Variants in GYS2 observed in about 807,000 individuals in gnomAD.
GYS2 encodes the protein glycogen [starch] synthase, liver.
A neutral mutation model predicts 85.6 loss-of-function variants in GYS2; 80 were observed. The observed-to-expected ratio is 0.93, with a 90% CI of 0.78 to 1.13. The LOEUF is 1.13. Ranked by LOEUF, GYS2 falls within the 50% of genes most tolerant of loss-of-function variation. The probability of loss-of-function intolerance (pLI) is 0.00; values close to 1 mark genes in which losing one functional copy is unlikely to be tolerated. For missense variants in GYS2, 881 were observed against 854.9 expected, an observed-to-expected ratio of 1.03 and a Z score of -0.38; for synonymous variants, 328 against 300.7, an observed-to-expected ratio of 1.09 and a Z score of -0.94.
chr12:21,575,763 CAT>C (rs1944437697), intron 3 of GYS2, 101 bp downstream of exon 3: 3 of 874,994 alleles, frequency 3.4e-6, no homozygotes, highest in Non-Finnish European at 3.9e-6. Flanking sequence ...GCCATAATGG[CAT>C]CATCTCAAAA....
At chr12:21,602,893 C>A (rs553608930) in intron 1 of GYS2, among the ~76,000 whole-genome samples, 2 of 152,168 alleles carry the variant, frequency 1.3e-5, no homozygotes, top group South Asian at 4.1e-4. Context: ...TGCTCAGGTG[C>A]AGGAACTTGT....
At chr12:21,553,821 T>C (rs375489469) in intron 11 of GYS2, among the ~76,000 whole-genome samples, 1 of 114,918 alleles carries the variant, frequency 8.7e-6, no homozygotes, top group Admixed American at 8.7e-5. Context: ...ACACATAAAA[T>C]AGGCTTCTTT....
rs1943908096 is a variant in GYS2, at chr12:21,536,147, C to G, written c.*807G>C. ...AATGTGTTTATTTACTTGGATTTAACAACTTATCATCTATGAAGAAACAAG... is the reference window on the plus strand; with the variant it reads ...AATGTGTTTATTTACTTGGATTTAAGAACTTATCATCTATGAAGAAACAAG... On this transcript the variant is annotated 3_prime_UTR_variant, in exon 16 of 16. Coordinates refer to ENST00000261195, the MANE Select transcript of GYS2 (RefSeq NM_021957.4). The G allele has an allele frequency of 6.6e-6, 1 of 152,136 alleles. No homozygotes were observed. The highest frequency in any genetic ancestry group is 1.5e-5 in the Non-Finnish European group (1 of 68,024). 9.4% of individuals were successfully genotyped at this position (152,136 alleles called of 1,614,324 possible).
At chr12:21,601,981 G>A (rs1226534956) in intron 1 of GYS2, among the ~76,000 whole-genome samples, 1 of 152,044 alleles carries the variant, frequency 6.6e-6, no homozygotes, top group Non-Finnish European at 1.5e-5. Flanking sequence ...TGTTTTTCAC[G>A]TTTCCATTGT....
chr12:21,561,717 T>C (rs1298452727), intron 7 of GYS2, among the ~76,000 whole-genome samples: 1 of 152,196 alleles, frequency 6.6e-6, no homozygotes, highest in African/African-American at 2.4e-5. Flanking sequence ...GCTTGTTGAA[T>C]GAATATATAC....
intron 12 of GYS2, among the ~76,000 whole-genome samples, chr12:21,545,432 A>T (rs1365236067): frequency 6.6e-6 from 1 of 152,232 alleles, no homozygotes; most frequent in African/African-American, 2.4e-5. Flanking sequence ...ACAGAGTGAG[A>T]CTCCGTCTCA....
downstream of GYS2, chr12:21,534,932 T>C (rs1327365293): frequency 2.0e-5 from 3 of 152,360 alleles, no homozygotes; most frequent in Middle Eastern, 3.4e-3. Flanking sequence ...GGCACTGTAC[T>C]AGACACAGAG....
chr12:21,597,741 T>C (rs1401353364), intron 1 of GYS2, among the ~76,000 whole-genome samples: 5 of 152,096 alleles, frequency 3.3e-5, no homozygotes, highest in Non-Finnish European at 7.4e-5. Context: ...AAACAGATAC[T>C]GGTACCACAC....
chr12:21,586,510 C>G (rs1015274198), intron 1 of GYS2, among the ~76,000 whole-genome samples: 8 of 152,062 alleles, frequency 5.3e-5, no homozygotes, highest in African/African-American at 1.9e-4. Context: ...ATACAGTGAG[C>G]TCAGGTCCTG....
chr12:21,540,647 A>G, intron 13 of GYS2, 74 bp from the exon 14 acceptor site: 1 of 1,325,850 alleles, frequency 7.5e-7, no homozygotes, highest in Non-Finnish European at 1.1e-6. Context: ...GTGATTTACT[A>G]ACTCTTTGGT....
intron 15 of GYS2, among the ~76,000 whole-genome samples, chr12:21,537,962 T>C (rs778611615): frequency 5.9e-5 from 9 of 152,334 alleles, no homozygotes; most frequent in Non-Finnish European, 1.2e-4. Flanking sequence ...TATCATGTCA[T>C]ACATGTACAG....
At chr12:21,545,361 G>A (rs1205844377) in intron 12 of GYS2, among the ~76,000 whole-genome samples, 2 of 152,204 alleles carry the variant, frequency 1.3e-5, no homozygotes, top group Non-Finnish European at 2.9e-5. Flanking sequence ...AGAATCTCTT[G>A]AACCCAGGAG....
At chr12:21,544,531 A>T (rs1245589930) in intron 12 of GYS2, among the ~76,000 whole-genome samples, 1 of 152,224 alleles carries the variant, frequency 6.6e-6, no homozygotes, top group Non-Finnish European at 1.5e-5. Flanking sequence ...TCTATCCATG[A>T]TACTTCCAAT....
At chr12:21,533,240 T>C (rs2136825945), downstream of GYS2, among the ~76,000 whole-genome samples, 1 of 152,320 alleles carries the variant, frequency 6.6e-6, no homozygotes, top group African/African-American at 2.4e-5. Flanking sequence ...AATTATTCTT[T>C]GTTTTCCAGT....
In GYS2 at chr12:21,585,718, T is replaced by C. The variant is rs571087223; in HGVS notation, c.122-5195A>G. On this transcript the variant is annotated intron_variant, in intron 1 of 15. Transcript: ENST00000261195. ...GTAATTGTCATGAGTATTTCCTCCT[T>C]CTTTTGTTAAAAACACCTTCGTGTC... Among the ~76,000 whole-genome samples the C allele has an allele frequency of 5.1e-4, 77 of 152,336 alleles. 1 individual carries two copies. In the South Asian group the frequency reaches 0.016, roughly 31 times the overall value.
chr12:21,560,878 C>T (rs1944245198), intron 7 of GYS2, among the ~76,000 whole-genome samples: 1 of 151,952 alleles, frequency 6.6e-6, no homozygotes, highest in Non-Finnish European at 1.5e-5. Flanking sequence ...TATTACAAGA[C>T]CAAAATTAGT....
intron 4 of GYS2, among the ~76,000 whole-genome samples, chr12:21,571,673 A>G (rs1281958296): frequency 6.6e-6 from 1 of 151,174 alleles, no homozygotes; most frequent in East Asian, 1.9e-4. Flanking sequence ...TACAATTAAG[A>G]AAAAAAAGGC....
chr12:21,566,351 T>C (rs1350685623), intron 5 of GYS2, among the ~76,000 whole-genome samples: 2 of 144,196 alleles, frequency 1.4e-5, no homozygotes, highest in African/African-American at 2.5e-5. Context: ...CTATGTGATC[T>C]TTTTTTTTTT....
At chr12:21,556,134 G>A (rs1290790348) in intron 11 of GYS2, among the ~76,000 whole-genome samples, 1 of 151,734 alleles carries the variant, frequency 6.6e-6, no homozygotes, top group Non-Finnish European at 1.5e-5. Context: ...AGTTTCCTTG[G>A]ATTGACATTT....
Sources: allele counts gnomAD v4.1 joint callset (sites outside exome capture counted in the v4.1 genomes callset), GRCh38; gene constraint gnomAD v4.1.1; transcripts MANE v1.5; gene names NCBI Gene and HGNC (gene_info 2026-07-23, HGNC 2026-07-21).